The following NRDE2 variants were observed in gnomAD, a reference collection of about 807,000 sequenced individuals.
NRDE2 encodes nuclear exosome regulator NRDE2.
NRDE2 carries 76 observed loss-of-function variants against 124.2 expected under a neutral mutation model. The ratio of observed to expected loss-of-function variants is 0.61; its 90% CI spans 0.51 to 0.74. The LOEUF is 0.74. Among genes scored for constraint, NRDE2 ranks in the 30% least tolerant of loss-of-function variants. The pLI is 0.00. For missense variants in NRDE2, 1,314 were observed against 1,417.3 expected, an observed-to-expected ratio of 0.93 and a Z score of 1.17; for synonymous variants, 489 against 528.1, an observed-to-expected ratio of 0.93 and a Z score of 1.01.
Position 90,268,319 on chromosome 14 carries a change from G to A in NRDE2, c.*10017C>T. 1 of 1,613,114 alleles carries A rather than the reference G, an allele frequency of 6.2e-7. No homozygotes were observed. The highest frequency in any genetic ancestry group is 8.5e-7 in the Non-Finnish European group (1 of 1,179,180). Reference sequence around the variant, plus strand: ...ACTTATTCAGAAGTACCTAGGTGATGGGCCCAAACTCGTACGGGAATTGTT... The same window carrying A: ...ACTTATTCAGAAGTACCTAGGTGATAGGCCCAAACTCGTACGGGAATTGTT... On this transcript the variant is annotated 3_prime_UTR_variant, in exon 14 of 14. Transcript: ENST00000354366.
In NRDE2 at chr14:90,290,364, A is replaced by G. The variant is rs867773531; in HGVS notation, c.2086T>C (p.Leu696=). 6.8e-6 allele frequency: 11 copies of G among 1,614,020 alleles called. No homozygotes were observed. In the Middle Eastern group the frequency reaches 4.9e-4, roughly 72 times the overall value. ...GASCVGRMDR[L]GYPRWTRGQN... is the part of the protein sequence containing the mutation. ...CCCCTGGTCCAGCGAGGATAGCCCA[A>G]CCTATCCATGCGGCCAACACAGCTA... The change falls in exon 10 of 14, where the codon TTG becomes CTG. Residue 696 remains leucine (L), a synonymous_variant. Transcript: ENST00000354366.
At chr14:90,326,550 A>G (rs1372939349) in intron 1 of NRDE2, among the ~76,000 whole-genome samples, 1 of 151,700 alleles carries the variant, frequency 6.6e-6, no homozygotes, top group East Asian at 1.9e-4. Flanking sequence ...CTCTTATAGA[A>G]GGGAGGGAAA....
rs1206866308 is a variant in NRDE2, at chr14:90,274,838, A to ACC, written c.*3496_*3497dup. The ACC allele has an allele frequency of 0.016, 1,046 of 67,148 alleles. 19 individuals are homozygous for ACC. Among genetic ancestry groups the ACC allele is most frequent in the East Asian group, 0.035 (102 of 2,954 alleles). The allele number at this position is 67,148 out of a possible 1,614,324, so 4.2% of individuals were successfully genotyped here. A position where few individuals can be genotyped will look rare whatever the true frequency, so the allele number is the denominator to read the frequency against. ...CACACACACACACACACACACACAC[A>ACC]CCCCAATACATATGAATTGATCTGA... On this transcript the variant is annotated 3_prime_UTR_variant, in exon 14 of 14. Coordinates refer to ENST00000354366, the MANE Select transcript of NRDE2 (RefSeq NM_017970.4).
At chr14:90,292,144 C>A (rs1892287113) in intron 9 of NRDE2, among the ~76,000 whole-genome samples, 1 of 152,224 alleles carries the variant, frequency 6.6e-6, no homozygotes, top group African/African-American at 2.4e-5. Context: ...AGATGAACTG[C>A]CTGGCACGCC....
chr14:90,312,386 G>A lies in NRDE2; in HGVS notation c.557+8C>T. The A allele has an allele frequency of 6.2e-7, 1 of 1,613,260 alleles. No individual in the cohort carries two copies. The highest frequency in any genetic ancestry group is 8.5e-7 in the Non-Finnish European group (1 of 1,179,652). ...ACAGTGAAAACTGGGGGAAAACAAG[G>A]TGACTACCTTGCTATATCCCCTCGG... On this transcript the variant is annotated splice_region_variant and intron_variant, in intron 4 of 13. Coordinates refer to ENST00000354366, the MANE Select transcript of NRDE2 (RefSeq NM_017970.4).
chr14:90,311,290 A>G (rs1193163954), intron 4 of NRDE2, among the ~76,000 whole-genome samples: 1 of 152,188 alleles, frequency 6.6e-6, no homozygotes, highest in Non-Finnish European at 1.5e-5. Flanking sequence ...GGTTTCTCAC[A>G]AAGTACTAAA....
At chr14:90,307,487 A>G (rs967338062) in intron 4 of NRDE2, among the ~76,000 whole-genome samples, 2 of 152,170 alleles carry the variant, frequency 1.3e-5, no homozygotes, top group Non-Finnish European at 2.9e-5. Flanking sequence ...GCACTTTGAG[A>G]GGCCGAGGTG....
At chr14:90,283,607 C>G (rs775828693) in intron 12 of NRDE2, among the ~76,000 whole-genome samples, 8 of 152,210 alleles carry the variant, frequency 5.3e-5, no homozygotes, top group Non-Finnish European at 1.0e-4. Context: ...CAGCAGCATC[C>G]TGCCTGCAAG....
intron 12 of NRDE2, 155 bp from the exon 13 acceptor site, chr14:90,279,288 C>T: frequency 3.1e-6 from 2 of 636,580 alleles, no homozygotes; most frequent in Non-Finnish European, 5.6e-6. Context: ...GGGACAGGGG[C>T]AGGTGCCAGG....
Position 90,290,561 on chromosome 14 carries a change from T to A in NRDE2, c.1889A>T (p.His630Leu). ...IGQSLIRLSS[H>L]DLQFQLVEAF... is the part of the protein sequence containing the mutation. ...CTCCACCAGCTGGAACTGAAGATCA[T>A]GGCTGGAAAGTCTGATCAAAGATTG... is the stretch of plus-strand genomic sequence containing the variant. The change falls in exon 10 of 14, where the codon CAT becomes CTT. Residue 630 changes from histidine to leucine, a missense_variant. By Grantham distance (99) the His-to-Leu change is moderately conservative. Coordinates refer to ENST00000354366, the MANE Select transcript of NRDE2 (RefSeq NM_017970.4). The A allele has an allele frequency of 6.2e-7, 1 of 1,613,572 alleles. No individual in the cohort carries two copies. Among genetic ancestry groups the A allele is most frequent in the Non-Finnish European group, 8.5e-7 (1 of 1,179,798 alleles).
chr14:90,294,963 G>A (rs1892368270), intron 8 of NRDE2, among the ~76,000 whole-genome samples: 2 of 152,140 alleles, frequency 1.3e-5, no homozygotes, highest in Admixed American at 1.3e-4. Context: ...AGGGGCAGAC[G>A]TGGCTAAGAA....
Position 90,307,621 on chromosome 14 carries a change from G to A in NRDE2, c.558-3239C>T, listed in dbSNP as rs544567106. ...ACTCCTGACCTCAAGCGATCCGCCC[G>A]CCTCAGCACTTTGGGAGGCCAAGGT... On this transcript the variant is annotated intron_variant, in intron 4 of 13. Transcript: ENST00000354366. Among the ~76,000 whole-genome samples, 5 of 152,062 alleles carry A rather than the reference G, an allele frequency of 3.3e-5. No individual in the cohort carries two copies. The South Asian group carries it at 6.2e-4, about 19-fold the overall frequency.
intron 4 of NRDE2, among the ~76,000 whole-genome samples, chr14:90,308,648 G>A (rs759014295): frequency 2.6e-5 from 4 of 152,084 alleles, no homozygotes; most frequent in Non-Finnish European, 4.4e-5. Context: ...CAATGTTCTC[G>A]GCGTGTCAGT....
At chr14:90,317,867 A>T in intron 2 of NRDE2, 138 bp downstream of exon 2, 1 of 580,322 alleles carries the variant, frequency 1.7e-6, no homozygotes, top group Non-Finnish European at 3.0e-6. Flanking sequence ...AAGGGAAAAT[A>T]GTCAAAGATC....
At position 90,301,346 on chromosome 14, in the gene NRDE2, G is replaced by A. The variant is rs1297749876; in HGVS notation, c.1438C>T (p.Leu480=). ...FALFLQQCHF[L]RQAGHSEKAI... ...TTCTCAGAGTGGCCAGCCTGCCGCAGAAAGTGGCACTGCTGAAGAAAGAGT... is the reference window on the plus strand; with the variant it reads ...TTCTCAGAGTGGCCAGCCTGCCGCAAAAAGTGGCACTGCTGAAGAAAGAGT... The change falls in exon 7 of 14, where the codon CTG becomes TTG. Residue 480 remains leucine (L), a synonymous_variant. Transcript: ENST00000354366. 1.9e-6 allele frequency: 3 copies of A among 1,613,960 alleles called. No individual in the cohort carries two copies. Among genetic ancestry groups the A allele is most frequent in the Non-Finnish European group, 2.5e-6 (3 of 1,179,954 alleles).
At chr14:90,280,283 G>C (rs541162714) in intron 12 of NRDE2, 1 of 152,230 alleles carries the variant, frequency 6.6e-6, no homozygotes, top group Admixed American at 6.5e-5. Flanking sequence ...TGATAACCTT[G>C]CTTCAGGCAA....
chr14:90,326,094 C>A (rs1384222186), intron 1 of NRDE2, among the ~76,000 whole-genome samples: 1 of 152,170 alleles, frequency 6.6e-6, no homozygotes, highest in Non-Finnish European at 1.5e-5. Flanking sequence ...ATGTGACAGC[C>A]ACACGATGGA....
chr14:90,269,266 G>C lies in NRDE2; in HGVS notation c.*9070C>G, dbSNP rs1413853365. 1.3e-6 allele frequency: 1 copy of C among 751,884 alleles called. No individual in the cohort carries two copies. The highest frequency in any genetic ancestry group is 2.1e-6 in the Non-Finnish European group (1 of 472,810). 46.6% of individuals were successfully genotyped at this position (751,884 alleles called of 1,614,324 possible). ...GAATTTATTTTTTCCGAGCATAATT[G>C]AGGGAGTGCCATGTGAGTTGAAACA... is the stretch of plus-strand genomic sequence containing the variant. On this transcript the variant is annotated 3_prime_UTR_variant, in exon 14 of 14. Transcript: ENST00000354366.
chr14:90,290,812 C>T (rs1892253734), intron 9 of NRDE2, among the ~76,000 whole-genome samples: 1 of 152,068 alleles, frequency 6.6e-6, no homozygotes, highest in South Asian at 2.1e-4. Context: ...GTTAGGCAGC[C>T]CTGTGGTGCC....
Sources: gnomAD v4.1 joint callset for allele counts (sites outside exome capture counted in the v4.1 genomes callset) on GRCh38, gnomAD v4.1.1 for gene constraint, MANE v1.5 for transcripts, NCBI Gene and HGNC (gene_info 2026-07-23, HGNC 2026-07-21) for gene names.